ABCB1: variants seen among roughly 807,000 people sequenced by gnomAD.
ABCB1 encodes the protein ATP-dependent translocase ABCB1.
A neutral mutation model predicts 142.0 loss-of-function variants in ABCB1; 69 were observed. That is an observed-to-expected ratio of 0.49 (90% CI 0.40 to 0.59). The LOEUF (loss-of-function observed/expected upper bound fraction) is 0.59. Among genes scored for constraint, ABCB1 ranks in the 20% least tolerant of loss-of-function variants. The pLI, the probability that ABCB1 is intolerant of heterozygous loss-of-function variation, is 0.00. For synonymous variants in ABCB1, 532 were observed against 539.2 expected (o/e 0.99, Z 0.18); for missense variants, 1,326 against 1,554.7 (o/e 0.85, Z 2.47).
chr7:87,655,996 CAG>C (rs1824065228), intron 1 of ABCB1, among the ~76,000 whole-genome samples: 2 of 152,090 alleles, frequency 1.3e-5, no homozygotes, highest in South Asian at 4.1e-4. Flanking sequence ...ACCTTGGAAG[CAG>C]AGACAGGACC....
chr7:87,598,592 G>T (rs928132848), intron 2 of ABCB1, among the ~76,000 whole-genome samples: 1 of 152,124 alleles, frequency 6.6e-6, no homozygotes, highest in Non-Finnish European at 1.5e-5. Flanking sequence ...TTATAACAAT[G>T]GAAGTTCCAA....
At chr7:87,687,121 C>T (rs183562486) in intron 1 of ABCB1, among the ~76,000 whole-genome samples, 3 of 152,238 alleles carry the variant, frequency 2.0e-5, no homozygotes, top group Admixed American at 2.0e-4. Context: ...CTTGCTGACT[C>T]ACATTCAGTT....
At chr7:87,684,773 AGAAT>A (rs1194310115) in intron 1 of ABCB1, among the ~76,000 whole-genome samples, 11 of 142,022 alleles carry the variant, frequency 7.7e-5, no homozygotes, top group African/African-American at 2.0e-4. Flanking sequence ...AAAAAAAAAA[AGAAT>A]AGAATAGAAT....
intron 1 of ABCB1, chr7:87,709,580 GC>G: frequency 2.1e-6 from 2 of 937,332 alleles, no homozygotes; most frequent in Non-Finnish European, 2.5e-6. Context: ...GCTGCTTCTA[GC>G]CTGACAGGTT....
chr7:87,642,947 G>C (rs1216945853), intron 1 of ABCB1, among the ~76,000 whole-genome samples: 2 of 152,096 alleles, frequency 1.3e-5, no homozygotes, highest in East Asian at 1.9e-4. Context: ...ACAGGGTCTT[G>C]CTCTGTTACA....
intron 3 of ABCB1, among the ~76,000 whole-genome samples, chr7:87,595,113 A>G (rs2214104): frequency 0.064 from 9,753 of 152,142 alleles, 406 homozygotes; most frequent in African/African-American, 0.13. Context: ...CCAACCACAC[A>G]TATATGATAC....
rs202034010 is a variant in ABCB1 at position 87,541,476 on chromosome 7, C to T, written c.2212-12G>A. 2.3e-5 allele frequency: 35 copies of T among 1,550,436 alleles called. No homozygotes were observed. Among genetic ancestry groups the T allele is most frequent in the Admixed American group, 3.3e-5 (2 of 59,926 alleles). ...ATTCTTGTAAAAACCTGTGAGAAAA[C>T]ATTTAAAGGATTTTTAGTTCAATCA... On this transcript the variant is annotated splice_polypyrimidine_tract_variant and intron_variant, in intron 17 of 27. Coordinates refer to ENST00000622132, the MANE Select transcript of ABCB1 (RefSeq NM_001348946.2).
chr7:87,637,821 T>G, intron 1 of ABCB1, among the ~76,000 whole-genome samples: 1 of 151,448 alleles, frequency 6.6e-6, no homozygotes, highest in East Asian at 1.9e-4. Context: ...GCAGTTAAAA[T>G]TTTTTTTTCT....
chr7:87,541,232 C>T, intron 18 of ABCB1, 125 bp downstream of exon 18: 1 of 689,712 alleles, frequency 1.4e-6, no homozygotes, highest in Non-Finnish European at 2.5e-6. Context: ...AAAAACTTGG[C>T]TGTTAGTAGC....
At chr7:87,682,624 T>C (rs558682957) in intron 1 of ABCB1, among the ~76,000 whole-genome samples, 35 of 152,314 alleles carry the variant, frequency 2.3e-4, no homozygotes, top group African/African-American at 7.7e-4. Context: ...AAGGAATCTT[T>C]TTTCTGAGTA....
intron 9 of ABCB1, among the ~76,000 whole-genome samples, chr7:87,551,188 A>AT (rs1210674586): frequency 6.6e-6 from 1 of 151,784 alleles, no homozygotes; most frequent in Non-Finnish European, 1.5e-5. Context: ...CACCTGACTA[A>AT]TTTTTTTTAT....
At chr7:87,654,471 A>G (rs891289905) in intron 1 of ABCB1, among the ~76,000 whole-genome samples, 1 of 152,138 alleles carries the variant, frequency 6.6e-6, no homozygotes, top group African/African-American at 2.4e-5. Context: ...GCCAAAACAC[A>G]CACTAGGGAA....
chr7:87,567,327 T>C lies in ABCB1; in HGVS notation c.339-351A>G, dbSNP rs138300485. On this transcript the variant is annotated intron_variant, in intron 5 of 27. Transcript: ENST00000622132. ...TATACTTGGACCAGTGCCCAGCACA[T>C]AGTAAGCACTCAGAGAATGCCAGTT... 4.6e-5 allele frequency among the ~76,000 whole-genome samples: 7 copies of C among 152,358 alleles called. No homozygotes were observed. The East Asian group carries it at 1.2e-3, about 25-fold the overall frequency.
intron 20 of ABCB1, among the ~76,000 whole-genome samples, chr7:87,532,952 G>A (rs1314226350): frequency 6.6e-6 from 1 of 152,086 alleles, no homozygotes; most frequent in East Asian, 1.9e-4. Flanking sequence ...CACCAGACTA[G>A]TATTTAGGAA....
At chr7:87,523,472 T>G (rs1380661625) in intron 21 of ABCB1, among the ~76,000 whole-genome samples, 3 of 151,878 alleles carry the variant, frequency 2.0e-5, no homozygotes, top group Non-Finnish European at 2.9e-5. Context: ...CTACTAAAAA[T>G]ACAAAAATTA....
intron 21 of ABCB1, chr7:87,522,296 G>C: frequency 1.3e-6 from 1 of 789,220 alleles, no homozygotes. Flanking sequence ...AGGAAACTTT[G>C]GAGGCAGAAG....
At chr7:87,626,299 A>G (rs1296910716) in intron 1 of ABCB1, among the ~76,000 whole-genome samples, 3 of 43,504 alleles carry the variant, frequency 6.9e-5, no homozygotes, top group Non-Finnish European at 7.6e-5. Flanking sequence ...TATATGTGTC[A>G]TATATATGTG....
intron 2 of ABCB1, among the ~76,000 whole-genome samples, chr7:87,596,622 A>G (rs1447251781): frequency 2.0e-5 from 3 of 152,136 alleles, no homozygotes; most frequent in African/African-American, 7.2e-5. Context: ...TAGGTATAAA[A>G]GAAAAACTAT....
At chr7:87,699,674 G>A (rs1828842311) in intron 1 of ABCB1, among the ~76,000 whole-genome samples, 1 of 152,206 alleles carries the variant, frequency 6.6e-6, no homozygotes, top group Non-Finnish European at 1.5e-5. Context: ...CCAAAGTGCT[G>A]AGATTACAAG....
Sources: allele counts gnomAD v4.1 joint callset (sites outside exome capture counted in the v4.1 genomes callset), GRCh38; gene constraint gnomAD v4.1.1; transcripts MANE v1.5; gene names NCBI Gene and HGNC (gene_info 2026-07-23, HGNC 2026-07-21).